The following EYS variants were observed in gnomAD, a reference collection of about 807,000 sequenced individuals.
EYS encodes protein eyes shut homolog.
A neutral mutation model predicts 282.1 loss-of-function variants in EYS; 250 were observed. The ratio of observed to expected loss-of-function variants is 0.89; its 90% CI spans 0.80 to 0.98. The LOEUF (loss-of-function observed/expected upper bound fraction) is 0.98, where lower values mean the gene tolerates loss of function less well. Ranked by LOEUF, EYS falls within the 50% of genes least tolerant of loss-of-function variation. The pLI is 0.00. For missense variants in EYS, 4,016 were observed against 3,709.0 expected, an observed-to-expected ratio of 1.08 and a Z score of -2.15; for synonymous variants, 1,355 against 1,282.9, an observed-to-expected ratio of 1.06 and a Z score of -1.20.
chr6:65,106,391 C>T (rs1005146274), intron 12 of EYS, among the ~76,000 whole-genome samples: 18 of 151,850 alleles, frequency 1.2e-4, no homozygotes, highest in Non-Finnish European at 1.5e-5. Flanking sequence ...TCCTTTTTCA[C>T]GTAGTGCCCT....
At chr6:65,083,107 A>G (rs1314674809) in intron 12 of EYS, among the ~76,000 whole-genome samples, 1 of 152,020 alleles carries the variant, frequency 6.6e-6, no homozygotes, top group African/African-American at 2.4e-5. Flanking sequence ...CTGAGAAAAA[A>G]ACAAAGTTGG....
intron 35 of EYS, among the ~76,000 whole-genome samples, chr6:63,892,339 G>T (rs759847056): frequency 5.3e-5 from 8 of 152,064 alleles, no homozygotes; most frequent in Non-Finnish European, 1.0e-4. Context: ...AATCTACAAG[G>T]CTACAGTAAC....
intron 29 of EYS, among the ~76,000 whole-genome samples, chr6:64,336,440 C>T (rs1220090840): frequency 1.3e-5 from 2 of 151,980 alleles, no homozygotes; most frequent in Non-Finnish European, 2.9e-5. Context: ...CCTTAACATA[C>T]ATGCACCGAA....
chr6:63,793,118 C>T (rs1030396051), intron 37 of EYS, among the ~76,000 whole-genome samples: 4 of 152,176 alleles, frequency 2.6e-5, no homozygotes, highest in African/African-American at 7.2e-5. Context: ...GAACTTACTT[C>T]AAATGCAGGA....
chr6:65,060,398 A>T (rs796530406), intron 12 of EYS, among the ~76,000 whole-genome samples: 23 of 151,996 alleles, frequency 1.5e-4, no homozygotes, highest in African/African-American at 4.8e-4. Context: ...GACTTTCATG[A>T]AGCTTTAAAT....
intron 11 of EYS, among the ~76,000 whole-genome samples, chr6:65,316,173 C>T (rs997784303): frequency 2.1e-4 from 32 of 152,054 alleles, no homozygotes; most frequent in African/African-American, 7.5e-4. Flanking sequence ...TTGCAAATAT[C>T]TTTTCTCACT....
At chr6:65,174,038 C>T (rs1171714102) in intron 12 of EYS, among the ~76,000 whole-genome samples, 1 of 151,038 alleles carries the variant, frequency 6.6e-6, no homozygotes, top group Non-Finnish European at 1.5e-5. Context: ...AAATAGGACA[C>T]ACCAACCCAC....
chr6:64,719,909 A>T (rs1193317260), intron 22 of EYS, among the ~76,000 whole-genome samples: 2 of 152,196 alleles, frequency 1.3e-5, no homozygotes, highest in African/African-American at 4.8e-5. Context: ...TCGAAAATAA[A>T]TAAATAGTAT....
At chr6:65,460,696 TA>T (rs1381112560) in intron 5 of EYS, among the ~76,000 whole-genome samples, 1 of 152,160 alleles carries the variant, frequency 6.6e-6, no homozygotes, top group Non-Finnish European at 1.5e-5. Context: ...CGGTAATATC[TA>T]GTGGTGTTTT....
At chr6:64,166,473 A>G (rs1764294953) in intron 31 of EYS, among the ~76,000 whole-genome samples, 1 of 152,190 alleles carries the variant, frequency 6.6e-6, no homozygotes, top group Admixed American at 6.5e-5. Context: ...GACTTCAATC[A>G]ATAGGGTATT....
In EYS at chr6:64,639,017, G is replaced by C. The variant is rs558708631; in HGVS notation, c.3444-12772C>G. Among the ~76,000 whole-genome samples, 6 of 86,264 alleles carry C rather than the reference G, an allele frequency of 7.0e-5. 2 individuals are homozygous for C. The highest frequency in any genetic ancestry group is 3.2e-4 in the African/African-American group (6 of 18,942). The allele number at this position is 86,264 out of a possible 152,430, so 56.6% of individuals were successfully genotyped here. ...AACAACAGAAATTCATTTTCTCACA[G>C]TTCTGGAGGCCAGATGTCCAAAATC... On this transcript the variant is annotated intron_variant, in intron 22 of 42. Transcript: ENST00000503581.
rs535602505 is a variant in EYS at position 65,610,492 on chromosome 6, T to C, written c.-333+29286A>G. ...TCCTATTATGATACTTTTAGGTTTC[T>C]GGAGCTGCAGAACCTTTGTCAAAAG... On this transcript the variant is annotated intron_variant, in intron 2 of 42. Transcript: ENST00000503581. Among the ~76,000 whole-genome samples the C allele has an allele frequency of 5.7e-4, 87 of 152,250 alleles. 1 individual carries two copies. Among genetic ancestry groups the C allele is most frequent in the African/African-American group, 2.0e-3 (82 of 41,582 alleles).
intron 1 of EYS, among the ~76,000 whole-genome samples, chr6:65,658,249 G>A (rs1345808045): frequency 6.6e-6 from 1 of 151,498 alleles, no homozygotes; most frequent in African/African-American, 2.4e-5. Context: ...AAGGAGATAA[G>A]ACCACCAAAT....
At chr6:65,140,109 T>C (rs1764290501) in intron 12 of EYS, among the ~76,000 whole-genome samples, 4 of 152,062 alleles carry the variant, frequency 2.6e-5, no homozygotes, top group African/African-American at 9.7e-5. Flanking sequence ...GCTGTCATTA[T>C]AAAAATCCTT....
At chr6:65,373,299 A>G (rs998828) in intron 8 of EYS, among the ~76,000 whole-genome samples, 62,739 of 151,934 alleles carry the variant, frequency 0.41, 13,946 homozygotes, top group South Asian at 0.5. Context: ...TGTTTCCATC[A>G]AACCAAATCA....
intron 16 of EYS, among the ~76,000 whole-genome samples, chr6:64,911,627 T>C (rs1042652991): frequency 6.6e-6 from 1 of 152,034 alleles, no homozygotes; most frequent in Non-Finnish European, 1.5e-5. Flanking sequence ...GAAACCACAG[T>C]GAGTATTAGA....
intron 26 of EYS, among the ~76,000 whole-genome samples, chr6:64,539,464 A>G (rs1259257347): frequency 6.6e-6 from 1 of 152,120 alleles, no homozygotes; most frequent in Non-Finnish European, 1.5e-5. Flanking sequence ...AGGCCTAGTT[A>G]CTCGGGAGGC....
chr6:63,967,892 T>A (rs970347346), intron 35 of EYS, among the ~76,000 whole-genome samples: 3 of 152,172 alleles, frequency 2.0e-5, no homozygotes, highest in Non-Finnish European at 4.4e-5. Flanking sequence ...CGTATTGGTA[T>A]CTCCTCCCTC....
At chr6:64,067,368 A>G (rs1771409464) in intron 32 of EYS, among the ~76,000 whole-genome samples, 1 of 152,162 alleles carries the variant, frequency 6.6e-6, no homozygotes, top group African/African-American at 2.4e-5. Context: ...CATTGTCAGA[A>G]GTCCTACCAA....
Sources: gnomAD v4.1 joint callset for allele counts (sites outside exome capture counted in the v4.1 genomes callset) on GRCh38, gnomAD v4.1.1 for gene constraint, MANE v1.5 for transcripts, NCBI Gene and HGNC (gene_info 2026-07-23, HGNC 2026-07-21) for gene names.